ENPEP: variants seen among roughly 807,000 people sequenced by gnomAD.
The protein encoded by ENPEP is AP-A.
ENPEP carries 103 observed loss-of-function variants against 114.5 expected under a neutral mutation model. The ratio of observed to expected loss-of-function variants is 0.90; its 90% CI spans 0.77 to 1.06. The LOEUF (loss-of-function observed/expected upper bound fraction) is 1.06. Among genes scored for constraint, ENPEP ranks in the 50% least tolerant of loss-of-function variants. The probability of loss-of-function intolerance (pLI) is 0.00; values close to 1 mark genes in which losing one functional copy is unlikely to be tolerated. For synonymous variants in ENPEP, 420 were observed against 422.0 expected, an observed-to-expected ratio of 1.00 and a Z score of 0.06; for missense variants, 1,196 against 1,161.3, an observed-to-expected ratio of 1.03 and a Z score of -0.43.
chr4:110,501,544 C>T lies in ENPEP; in HGVS notation c.919-5093C>T, dbSNP rs560358711. On this transcript the variant is annotated intron_variant, in intron 3 of 19. Transcript: ENST00000265162. Reference sequence around the variant, plus strand: ...GTGAGAAGATGTGGTATTTGGTTCTCTGCTGCTATGCTAGTTCTCTTAGGA... The same window carrying T: ...GTGAGAAGATGTGGTATTTGGTTCTTTGCTGCTATGCTAGTTCTCTTAGGA... 1.1e-4 allele frequency among the ~76,000 whole-genome samples: 16 copies of T among 152,274 alleles called. 1 individual carries two copies. The South Asian group carries it at 3.3e-3, about 32-fold the overall frequency.
intron 6 of ENPEP, chr4:110,512,877 A>C (rs1233409382): frequency 6.6e-6 from 1 of 152,320 alleles, no homozygotes; most frequent in Non-Finnish European, 1.5e-5. Context: ...TAGGCCTGTC[A>C]ACCAGTCTGT....
In ENPEP at chr4:110,531,246, C is replaced by G. The variant is rs1475126219; in HGVS notation, c.1776C>G (p.Ser592Arg). 2.1e-6 allele frequency: 3 copies of G among 1,459,982 alleles called. No homozygotes were observed. Among genetic ancestry groups the G allele is most frequent in the Non-Finnish European group, 2.8e-6 (3 of 1,087,590 alleles). The allele number at this position is 1,459,982 out of a possible 1,614,324, so 90.4% of individuals were successfully genotyped here. The change falls in exon 11 of 20, where the codon AGC (serine) becomes AGG (arginine). Residue 592 changes from serine (S) to arginine (R), a missense_variant. Coordinates refer to ENST00000265162, the MANE Select transcript of ENPEP (RefSeq NM_001977.4). ...PVKWTEDNIT[S>R]SVLFNRSEKE... ...AATGGACTGAAGATAATATAACAAG[C>G]AGTGTGTTATTTAATAGGTCAGAAA...
At chr4:110,507,829 G>T (rs1268057183) in intron 4 of ENPEP, among the ~76,000 whole-genome samples, 1 of 152,104 alleles carries the variant, frequency 6.6e-6, no homozygotes, top group Admixed American at 6.5e-5. Context: ...ACAAAAATTA[G>T]CCAGGTGTTG....
chr4:110,523,823 A>T (rs1726095985), intron 10 of ENPEP, among the ~76,000 whole-genome samples: 1 of 152,310 alleles, frequency 6.6e-6, no homozygotes, highest in African/African-American at 2.4e-5. Flanking sequence ...TTCCCAACTT[A>T]GTAACATTTT....
intron 6 of ENPEP, among the ~76,000 whole-genome samples, chr4:110,510,698 G>A (rs558891108): frequency 9.9e-5 from 15 of 151,858 alleles, no homozygotes; most frequent in South Asian, 4.2e-4. Flanking sequence ...AAAAAATGTC[G>A]GAGTCTCATT....
chr4:110,517,227 A>G (rs1299820977), intron 8 of ENPEP, among the ~76,000 whole-genome samples: 1 of 152,132 alleles, frequency 6.6e-6, no homozygotes, highest in Non-Finnish European at 1.5e-5. Flanking sequence ...GCCATGAACC[A>G]CTGTGCCCTG....
At chr4:110,526,725 C>T (rs1246209113) in intron 10 of ENPEP, among the ~76,000 whole-genome samples, 1 of 152,098 alleles carries the variant, frequency 6.6e-6, no homozygotes, top group Admixed American at 6.6e-5. Flanking sequence ...ATCACAGATC[C>T]TGGGCAGTTG....
intron 3 of ENPEP, among the ~76,000 whole-genome samples, chr4:110,492,154 T>C (rs1724748922): frequency 6.6e-6 from 1 of 152,192 alleles, no homozygotes; most frequent in Admixed American, 6.5e-5. Flanking sequence ...CTGTGCCATA[T>C]ATGTCATATA....
At position 110,561,650 on chromosome 4, in the gene ENPEP, C is replaced by G; in HGVS notation, c.*92C>G. The G allele has an allele frequency of 8.3e-7, 1 of 1,203,434 alleles. No homozygotes were observed. Among genetic ancestry groups the G allele is most frequent in the Non-Finnish European group, 1.2e-6 (1 of 859,080 alleles). 74.5% of individuals were successfully genotyped at this position (1,203,434 alleles called of 1,614,324 possible). A position where few individuals can be genotyped will look rare whatever the true frequency, so the allele number is the denominator to read the frequency against. ...AATTTACAAGCACGATGGAGAGAGC[C>G]TTATAAACAGATAATGCTTTTACTA... On this transcript the variant is annotated 3_prime_UTR_variant, in exon 20 of 20. Coordinates refer to ENST00000265162, the MANE Select transcript of ENPEP (RefSeq NM_001977.4).
intron 18 of ENPEP, among the ~76,000 whole-genome samples, chr4:110,554,984 C>T (rs955423899): frequency 1.1e-4 from 16 of 151,816 alleles, no homozygotes; most frequent in African/African-American, 2.9e-4. Context: ...TTAGTTGTTT[C>T]ACTTCAGGAA....
intron 8 of ENPEP, chr4:110,519,410 T>C (rs1466716852): frequency 1.2e-5 from 2 of 171,778 alleles, no homozygotes; most frequent in Non-Finnish European, 2.5e-5. Flanking sequence ...GAAAGTTTAC[T>C]GGCAAACTCC....
Position 110,476,260 on chromosome 4 carries a change from G to A in ENPEP, c.-155G>A. On this transcript the variant is annotated 5_prime_UTR_variant, in exon 1 of 20. Transcript: ENST00000265162. The stretch of plus-strand genomic sequence containing the variant: ...CTGGTGGGAACGTGAAAAGGGAGAG[G>A]AAAAGGCGCAAGAAGCCAGAGAGAG... The A allele has an allele frequency of 1.1e-6, 1 of 889,720 alleles. No homozygotes were observed. Among genetic ancestry groups the A allele is most frequent in the Non-Finnish European group, 1.6e-6 (1 of 612,400 alleles). 55.1% of individuals were successfully genotyped at this position (889,720 alleles called of 1,614,324 possible). A position where few individuals can be genotyped will look rare whatever the true frequency, so the allele number is the denominator to read the frequency against.
chr4:110,493,718 TA>T (rs1180126509), intron 3 of ENPEP, among the ~76,000 whole-genome samples: 1 of 152,206 alleles, frequency 6.6e-6, no homozygotes, highest in East Asian at 1.9e-4. Flanking sequence ...CCTACCCACT[TA>T]CTGTAAGTTG....
chr4:110,529,872 G>C (rs6823156), intron 10 of ENPEP, among the ~76,000 whole-genome samples: 1 of 151,782 alleles, frequency 6.6e-6, no homozygotes, highest in Non-Finnish European at 1.5e-5. Flanking sequence ...TCAGGAGTTC[G>C]AGACCAACCT....
At chr4:110,540,637 A>G (rs932972822) in intron 11 of ENPEP, among the ~76,000 whole-genome samples, 4 of 152,180 alleles carry the variant, frequency 2.6e-5, no homozygotes, top group African/African-American at 9.6e-5. Flanking sequence ...GAAAAATCAC[A>G]GTAACTCTAG....
intron 18 of ENPEP, among the ~76,000 whole-genome samples, chr4:110,555,169 A>G (rs887698550): frequency 6.6e-6 from 1 of 152,060 alleles, no homozygotes; most frequent in Admixed American, 6.6e-5. Context: ...ATTTCTTCAT[A>G]ATCTAATGAT....
Position 110,549,409 on chromosome 4 carries a change from C to T in ENPEP, c.2215C>T (p.His739Tyr), listed in dbSNP as rs749717628. 3 of 1,613,144 alleles carry T rather than the reference C, an allele frequency of 1.9e-6. No individual in the cohort carries two copies. The highest frequency in any genetic ancestry group is 1.1e-5 in the South Asian group (1 of 91,060). ...TCTGGGATGGAATGATGCTGGAGACCATGTCACAAAGTTATTCTCACTTTT... is the reference window on the plus strand; with the variant it reads ...TCTGGGATGGAATGATGCTGGAGACTATGTCACAAAGTTATTCTCACTTTT... Reference protein sequence around the residue: ...DSLGWNDAGDHVTKLLRSSVL... With the variant: ...DSLGWNDAGDYVTKLLRSSVL... The change falls in exon 15 of 20, where the codon CAT (histidine) becomes TAT (tyrosine). Residue 739 changes from histidine (H) to tyrosine (Y), a missense_variant. By Grantham distance (83) the His-to-Tyr change is moderately conservative (BLOSUM62 2). Transcript: ENST00000265162.
At chr4:110,511,833 G>A (rs915663257) in intron 6 of ENPEP, among the ~76,000 whole-genome samples, 1 of 151,314 alleles carries the variant, frequency 6.6e-6, no homozygotes, top group Non-Finnish European at 1.5e-5. Flanking sequence ...GAGCAATCTC[G>A]GGTCACTGCA....
chr4:110,536,581 T>C (rs919739439), intron 11 of ENPEP, among the ~76,000 whole-genome samples: 2 of 152,170 alleles, frequency 1.3e-5, no homozygotes, highest in African/African-American at 4.8e-5. Context: ...AACTGTGTGG[T>C]AAACAACTAG....
Sources: allele counts gnomAD v4.1 joint callset (sites outside exome capture counted in the v4.1 genomes callset), GRCh38; gene constraint gnomAD v4.1.1; transcripts MANE v1.5; gene names NCBI Gene and HGNC (gene_info 2026-07-23, HGNC 2026-07-21).